The following ESR1 variants were observed in gnomAD, a reference collection of about 807,000 sequenced individuals.
ESR1 encodes estrogen receptor.
ESR1 carries 12 observed loss-of-function variants against 52.7 expected under a neutral mutation model. The observed-to-expected ratio is 0.23, with a 90% CI of 0.15 to 0.37. The LOEUF (loss-of-function observed/expected upper bound fraction) is 0.37, where lower values mean the gene tolerates loss of function less well. Among genes scored for constraint, ESR1 ranks in the 10% least tolerant of loss-of-function variants. ESR1 has a pLI of 1.00. For missense variants in ESR1, 584 were observed against 779.7 expected (o/e 0.75, Z 2.99); for synonymous variants, 305 against 316.8 (o/e 0.96, Z 0.39).
At chr6:151,675,669 A>G (rs1562323096) in intron 1 of ESR1, among the ~76,000 whole-genome samples, 1 of 152,240 alleles carries the variant, frequency 6.6e-6, no homozygotes, top group Non-Finnish European at 1.5e-5. Flanking sequence ...AATGATCACA[A>G]TGCTACCACT....
intron 3 of ESR1, among the ~76,000 whole-genome samples, chr6:151,941,361 T>G (rs2035035311): frequency 1.3e-5 from 2 of 152,174 alleles, no homozygotes; most frequent in Admixed American, 6.5e-5. Context: ...GGTAATACAC[T>G]GACTAATACT....
chr6:151,784,063 A>T, intron 2 of ESR1, among the ~76,000 whole-genome samples: 1 of 152,218 alleles, frequency 6.6e-6, no homozygotes, highest in South Asian at 2.1e-4. Flanking sequence ...ACTAATGTTG[A>T]CCTTGGCCAA....
downstream of ESR1, among the ~76,000 whole-genome samples, chr6:152,103,980 CTTTTTTTTT>C (rs369261779): frequency 2.1e-5 from 2 of 93,884 alleles, no homozygotes; most frequent in African/African-American, 4.2e-5. Context: ...TTCATTCTAC[CTTTTTTTTT>C]TTTTTTTTTT....
upstream of ESR1, among the ~76,000 whole-genome samples, chr6:151,687,071 G>A (rs1214035288): frequency 6.6e-6 from 1 of 152,134 alleles, no homozygotes; most frequent in Non-Finnish European, 1.5e-5. Context: ...TGACCTCAGT[G>A]CAGGTTTCCA....
At chr6:151,989,735 C>T (rs888758605) in intron 4 of ESR1, among the ~76,000 whole-genome samples, 1 of 152,076 alleles carries the variant, frequency 6.6e-6, no homozygotes, top group African/African-American at 2.4e-5. Flanking sequence ...TTATTCTGTG[C>T]ATTTTCCCAA....
At chr6:151,782,411 T>C (rs758465168) in intron 2 of ESR1, among the ~76,000 whole-genome samples, 12 of 152,212 alleles carry the variant, frequency 7.9e-5, no homozygotes, top group Admixed American at 2.6e-4. Context: ...CAATGTTAGA[T>C]AAAGATTTAT....
rs995140767 is a variant in ESR1, at chr6:151,991,814, C to T, written c.1097-19842C>T. Reference sequence around the variant, plus strand: ...TGTAGTTCCCCACACAAACCCTGAGCTTTCTTCCCCTCCAGGCTGCTCCAT... The same window carrying T: ...TGTAGTTCCCCACACAAACCCTGAGTTTTCTTCCCCTCCAGGCTGCTCCAT... On this transcript the variant is annotated intron_variant, in intron 4 of 7. Coordinates refer to ENST00000206249, the MANE Select transcript of ESR1 (RefSeq NM_000125.4). 2.6e-5 allele frequency among the ~76,000 whole-genome samples: 4 copies of T among 152,158 alleles called. No individual in the cohort carries two copies. In the East Asian group the frequency reaches 7.7e-4, roughly 29 times the overall value.
chr6:152,049,254 C>G (rs906531773), intron 5 of ESR1, among the ~76,000 whole-genome samples: 1 of 152,212 alleles, frequency 6.6e-6, no homozygotes, highest in Non-Finnish European at 1.5e-5. Context: ...ATAACCAACT[C>G]TAACCTCCTT....
At chr6:152,085,599 C>T (rs780230301) in intron 6 of ESR1, among the ~76,000 whole-genome samples, 57 of 152,068 alleles carry the variant, frequency 3.7e-4, no homozygotes, top group Admixed American at 7.9e-4. Flanking sequence ...TTGGCTGGGA[C>T]GTCAGCTGGA....
At chr6:151,925,285 G>T (rs1030225329) in intron 3 of ESR1, among the ~76,000 whole-genome samples, 1 of 152,018 alleles carries the variant, frequency 6.6e-6, no homozygotes, top group Non-Finnish European at 1.5e-5. Flanking sequence ...TCAATGAGGT[G>T]TACATCAGAT....
chr6:151,837,434 C>T (rs987247316), intron 1 of ESR1, among the ~76,000 whole-genome samples: 6 of 152,060 alleles, frequency 3.9e-5, no homozygotes, highest in Admixed American at 1.3e-4. Context: ...TATGTAATAT[C>T]GGTGATTTCA....
chr6:151,899,383 C>T (rs1353610659), intron 3 of ESR1, among the ~76,000 whole-genome samples: 1 of 127,906 alleles, frequency 7.8e-6, no homozygotes, highest in African/African-American at 3.3e-5. Flanking sequence ...GACGGGGCGG[C>T]TGGCCGGGCA....
intron 4 of ESR1, among the ~76,000 whole-genome samples, chr6:151,961,453 T>C (rs1162910936): frequency 6.6e-6 from 1 of 151,874 alleles, no homozygotes; most frequent in Non-Finnish European, 1.5e-5. Context: ...AATGAGTTCA[T>C]GAAAAAATGG....
chr6:151,999,332 A>G (rs972669758), intron 4 of ESR1, among the ~76,000 whole-genome samples: 1 of 152,076 alleles, frequency 6.6e-6, no homozygotes, highest in African/African-American at 2.4e-5. Flanking sequence ...GAGTTTCTTT[A>G]GTTAGTTAAG....
rs146226051 is a variant in ESR1 at position 151,951,081 on chromosome 6, T to G, written c.1096+6573T>G. ...AAGAGTTTACACATCAGAAGTTAAT[T>G]TATAATTGTTAACAGTTTCATGCAT... On this transcript the variant is annotated intron_variant, in intron 4 of 7. Transcript: ENST00000206249. Among the ~76,000 whole-genome samples, 32 of 152,188 alleles carry G rather than the reference T, an allele frequency of 2.1e-4. 1 individual carries two copies. The highest frequency in any genetic ancestry group is 7.5e-4 in the African/African-American group (31 of 41,534).
intron 2 of ESR1, among the ~76,000 whole-genome samples, chr6:151,716,998 GGGAA>G (rs1277247520): frequency 1.3e-5 from 2 of 152,316 alleles, no homozygotes; most frequent in African/African-American, 4.8e-5. Flanking sequence ...CTGCACCCAA[GGGAA>G]TCTCCTGGTC....
chr6:151,698,012 C>T (rs900364778), intron 1 of ESR1, among the ~76,000 whole-genome samples: 12 of 149,960 alleles, frequency 8.0e-5, no homozygotes, highest in Admixed American at 1.3e-4. Context: ...GCAAGAGAAT[C>T]GCTTGAACCG....
At chr6:152,095,461 C>G (rs538191536) in intron 7 of ESR1, among the ~76,000 whole-genome samples, 1 of 152,318 alleles carries the variant, frequency 6.6e-6, no homozygotes, top group African/African-American at 2.4e-5. Flanking sequence ...TGACTCTGCT[C>G]TATGCCTCAT....
intron 2 of ESR1, among the ~76,000 whole-genome samples, chr6:151,798,697 A>G (rs1776943727): frequency 1.3e-5 from 2 of 152,220 alleles, no homozygotes; most frequent in Non-Finnish European, 2.9e-5. Context: ...TTGGAAATTG[A>G]ACTGTGTCAA....
Sources: gnomAD v4.1 joint callset for allele counts (sites outside exome capture counted in the v4.1 genomes callset) on GRCh38, gnomAD v4.1.1 for gene constraint, MANE v1.5 for transcripts, NCBI Gene and HGNC (gene_info 2026-07-23, HGNC 2026-07-21) for gene names.